SLC36A2: variants seen among roughly 807,000 people sequenced by gnomAD.
SLC36A2 encodes the protein solute carrier family 36 member 2.
Under a neutral mutation model 42.7 loss-of-function variants are expected in SLC36A2, and 39 were observed. The ratio of observed to expected loss-of-function variants is 0.91; its 90% CI spans 0.71 to 1.19. The LOEUF is 1.19. SLC36A2 is among the 50% of genes most tolerant of loss of function. The probability of loss-of-function intolerance (pLI) is 0.00; values close to 1 mark genes in which losing one functional copy is unlikely to be tolerated. For synonymous variants in SLC36A2, 237 were observed against 240.8 expected (o/e 0.98, Z 0.15); for missense variants, 590 against 613.7 (o/e 0.96, Z 0.41).
At chr5:151,342,456 A>G (rs1389169223) in intron 4 of SLC36A2, among the ~76,000 whole-genome samples, 1 of 152,018 alleles carries the variant, frequency 6.6e-6, no homozygotes, top group Non-Finnish European at 1.5e-5. Flanking sequence ...GCCAACACAC[A>G]TCTCCTAACC....
chr5:151,321,467 T>C (rs1490811089), intron 9 of SLC36A2, among the ~76,000 whole-genome samples: 7 of 151,932 alleles, frequency 4.6e-5, no homozygotes, highest in Non-Finnish European at 8.8e-5. Flanking sequence ...CACAGGCATG[T>C]GCCAGAGTGC....
chr5:151,325,254 A>T (rs1226624077), intron 8 of SLC36A2, 32 bp downstream of exon 8: 1 of 1,609,234 alleles, frequency 6.2e-7, no homozygotes, highest in Non-Finnish European at 8.5e-7. Context: ...CCCATTCCTG[A>T]GTCCCCACCA....
chr5:151,319,104 T>G (rs1755607233), intron 9 of SLC36A2: 1 of 944,250 alleles, frequency 1.1e-6, no homozygotes, highest in South Asian at 4.9e-5. Context: ...TTTTAGGTAT[T>G]GTGATTCATT....
chr5:151,333,406 C>A, intron 6 of SLC36A2, 84 bp from the exon 7 acceptor site: 3 of 1,178,486 alleles, frequency 2.5e-6, no homozygotes, highest in Non-Finnish European at 3.8e-6. Context: ...TGAAATGAGA[C>A]CTGAATTTTT....
Position 151,335,333 on chromosome 5 carries a change from G to A in SLC36A2, c.740C>T (p.Thr247Ile), listed in dbSNP as rs1320631432. 6.2e-7 allele frequency: 1 copy of A among 1,611,242 alleles called. No individual in the cohort carries two copies. Among genetic ancestry groups the A allele is most frequent in the South Asian group, 1.1e-5 (1 of 90,782 alleles). The change falls in exon 6 of 10, where the codon ACC becomes ATC. Residue 247 changes from threonine (T) to isoleucine (I), a missense_variant. Coordinates refer to ENST00000335244, the MANE Select transcript of SLC36A2 (RefSeq NM_181776.3). ...AGGTGCATGGTGTGCACTCACCTGG[G>A]TAATGTACTGTATGATGATGACCAA... ...VSLVIIIQYI[T>I]QEIPDPSRLP...
At chr5:151,326,916 A>T (rs763308221) in intron 7 of SLC36A2, among the ~76,000 whole-genome samples, 1 of 151,166 alleles carries the variant, frequency 6.6e-6, no homozygotes, top group Non-Finnish European at 1.5e-5. Flanking sequence ...AGCTCAAGAG[A>T]TCCCTCCCAT....
intron 6 of SLC36A2, among the ~76,000 whole-genome samples, chr5:151,334,039 A>G (rs935884661): frequency 6.6e-6 from 1 of 152,122 alleles, no homozygotes; most frequent in Non-Finnish European, 1.5e-5. Flanking sequence ...ATGAGCTGTA[A>G]ATTGAAGGGG....
Position 151,322,170 on chromosome 5 carries a change from G to T in SLC36A2, c.1056C>A (p.Cys352Ter). 6.2e-7 allele frequency: 1 copy of T among 1,614,172 alleles called. No individual in the cohort carries two copies. The highest frequency in any genetic ancestry group is 8.5e-7 in the Non-Finnish European group (1 of 1,180,022). The change falls in exon 9 of 10, where the codon TGC (cysteine) becomes TGA (stop). Residue 352 changes from cysteine (C) to a stop codon, truncating the protein, a stop_gained. Transcript: ENST00000335244. LOFTEE classifies it high-confidence loss of function. Reference sequence around the variant, plus strand: ...GGACGTAGAACTGCAGGGCATAGGTGCACAGGATGCCGGCAATGTAGAGAA... The same window carrying T: ...GGACGTAGAACTGCAGGGCATAGGTTCACAGGATGCCGGCAATGTAGAGAA... ...VKLLYIAGIL[C>*]TYALQFYVPA...
At chr5:151,330,744 C>T (rs1755973040) in intron 7 of SLC36A2, among the ~76,000 whole-genome samples, 1 of 152,106 alleles carries the variant, frequency 6.6e-6, no homozygotes, top group African/African-American at 2.4e-5. Flanking sequence ...TGTTTAGATA[C>T]ATAAGGCAAT....
At chr5:151,321,140 A>G (rs1360280909) in intron 9 of SLC36A2, among the ~76,000 whole-genome samples, 2 of 101,778 alleles carry the variant, frequency 2.0e-5, no homozygotes, top group African/African-American at 8.7e-5. Flanking sequence ...GTCAGTTCTT[A>G]TGATTTATTT....
chr5:151,339,508 C>T (rs534083104), intron 4 of SLC36A2, among the ~76,000 whole-genome samples: 1 of 152,282 alleles, frequency 6.6e-6, no homozygotes, highest in South Asian at 2.1e-4. Context: ...CAAGGTTTCT[C>T]CATGTTGGTC....
chr5:151,344,213 C>T lies in SLC36A2; in HGVS notation c.219G>A (p.Leu73=). The part of the protein sequence containing the change: ...LVKGNMGTGI[L]GLPLAVKNAG... The stretch of plus-strand genomic sequence containing the variant: ...CGTTCTTCACAGCGAGGGGTAGTCC[C>T]AGGATCCCTGTGCCCATGTTGCCTT... Residue 73 remains leucine, a synonymous_variant, in exon 2 of 10, where the codon CTG becomes CTA. Transcript: ENST00000335244. 10 of 1,614,184 alleles carry T rather than the reference C, an allele frequency of 6.2e-6. No homozygotes were observed. Among genetic ancestry groups the T allele is most frequent in the Non-Finnish European group, 8.5e-6 (10 of 1,180,030 alleles).
chr5:151,324,013 A>G (rs1315394384), intron 8 of SLC36A2, among the ~76,000 whole-genome samples: 1 of 152,230 alleles, frequency 6.6e-6, no homozygotes, highest in Non-Finnish European at 1.5e-5. Context: ...AATCCCGCAC[A>G]GTGGGATGTG....
chr5:151,323,980 T>A (rs537818904), intron 8 of SLC36A2, among the ~76,000 whole-genome samples: 166 of 152,364 alleles, frequency 1.1e-3, no homozygotes, highest in Non-Finnish European at 1.7e-3. Flanking sequence ...CTGTAATTAA[T>A]GACATGACCT....
chr5:151,317,099 A>AG lies in SLC36A2; in HGVS notation c.1181-12dup, dbSNP rs1755521698. Reference sequence around the variant, plus strand: ...GGATGGCCAGGAGGCCTGCAGGGAGAGGATAGTGGAGAGATGGAGCATTCC... The same window carrying AG: ...GGATGGCCAGGAGGCCTGCAGGGAGAGGGATAGTGGAGAGATGGAGCATTCC... On this transcript the variant is annotated splice_polypyrimidine_tract_variant and intron_variant, in intron 9 of 9. Transcript: ENST00000335244. The AG allele has an allele frequency of 1.1e-5, 17 of 1,613,468 alleles. No homozygotes were observed. Among genetic ancestry groups the AG allele is most frequent in the African/African-American group, 1.3e-5 (1 of 74,924 alleles).
intron 9 of SLC36A2, among the ~76,000 whole-genome samples, chr5:151,320,607 G>T (rs1755658127): frequency 6.6e-6 from 1 of 152,190 alleles, no homozygotes; most frequent in Admixed American, 6.5e-5. Flanking sequence ...CTTGCAGAAA[G>T]GGGTACTCCG....
chr5:151,336,902 A>G (rs901859532), intron 5 of SLC36A2, among the ~76,000 whole-genome samples: 1 of 152,208 alleles, frequency 6.6e-6, no homozygotes, highest in African/African-American at 2.4e-5. Flanking sequence ...ATCTTGGAGG[A>G]TACTCATCTA....
rs33912867 is a variant in SLC36A2 at position 151,316,740 on chromosome 5, CAA to C, written c.*75_*76del. 0.021 allele frequency: 18,478 copies of C among 877,234 alleles called. No individual in the cohort carries two copies. The highest frequency in any genetic ancestry group is 0.023 in the Non-Finnish European group (15,165 of 662,702). The allele number at this position is 877,234 out of a possible 1,614,324, so 54.3% of individuals were successfully genotyped here. A position where few individuals can be genotyped will look rare whatever the true frequency, so the allele number is the denominator to read the frequency against. Reference sequence around the variant, plus strand: ...GGGCAACAAGACAGAAACTCCGTCTCAAAAAAAAAAAAAAAAAAAAAAAGAGA... The same window carrying C: ...GGGCAACAAGACAGAAACTCCGTCTCAAAAAAAAAAAAAAAAAAAAAGAGA... On this transcript the variant is annotated 3_prime_UTR_variant, in exon 10 of 10. Coordinates refer to ENST00000335244, the MANE Select transcript of SLC36A2 (RefSeq NM_181776.3).
intron 2 of SLC36A2, among the ~76,000 whole-genome samples, chr5:151,343,889 G>A (rs1002330977): frequency 1.3e-5 from 2 of 152,186 alleles, no homozygotes; most frequent in Non-Finnish European, 2.9e-5. Flanking sequence ...TCCCCAAGGG[G>A]ACCTGGTGTT....
Sources: gnomAD v4.1 joint callset for allele counts (sites outside exome capture counted in the v4.1 genomes callset) on GRCh38, gnomAD v4.1.1 for gene constraint, MANE v1.5 for transcripts, NCBI Gene and HGNC (gene_info 2026-07-23, HGNC 2026-07-21) for gene names.